GRAMD1A: variants seen among roughly 807,000 people sequenced by gnomAD.
GRAMD1A encodes the protein protein Aster-A.
Under a neutral mutation model 92.0 loss-of-function variants are expected in GRAMD1A, and 50 were observed. The ratio of observed to expected loss-of-function variants is 0.54; its 90% CI spans 0.43 to 0.69. GRAMD1A has a LOEUF of 0.69. Ranked by LOEUF, GRAMD1A falls within the 30% of genes least tolerant of loss-of-function variation. The pLI is 0.00. For missense variants in GRAMD1A, 819 were observed against 978.9 expected (o/e 0.84, Z 2.18); for synonymous variants, 405 against 403.6 (o/e 1.00, Z -0.04).
chr19:35,003,138 CTGTGCG>C (rs2014521475), intron 1 of GRAMD1A, among the ~76,000 whole-genome samples: 1 of 111,560 alleles, frequency 9.0e-6, no homozygotes, highest in Non-Finnish European at 1.9e-5. Context: ...TGCTGTTGCT[CTGTGCG>C]TGTGTGTGTG....
chr19:35,001,897 C>T (rs192796894), intron 1 of GRAMD1A, among the ~76,000 whole-genome samples: 1 of 152,234 alleles, frequency 6.6e-6, no homozygotes, highest in Admixed American at 6.5e-5. Context: ...CTTAAGCCAT[C>T]GCGCCTGGCT....
intron 1 of GRAMD1A, among the ~76,000 whole-genome samples, chr19:35,004,118 A>C (rs1169291254): frequency 6.6e-6 from 1 of 152,150 alleles, no homozygotes; most frequent in Non-Finnish European, 1.5e-5. Context: ...AGTCCCAGCT[A>C]TCAGGGAAGC....
intron 11 of GRAMD1A, among the ~76,000 whole-genome samples, chr19:35,016,461 G>T (rs1210299810): frequency 6.6e-6 from 1 of 150,498 alleles, no homozygotes; most frequent in Non-Finnish European, 1.5e-5. Context: ...GCTAGGTGTG[G>T]TGGCACACAC....
intron 7 of GRAMD1A, among the ~76,000 whole-genome samples, chr19:35,012,376 T>G (rs773888447): frequency 5.9e-5 from 9 of 152,266 alleles, no homozygotes; most frequent in Non-Finnish European, 1.3e-4. Context: ...AGTGAGTTAG[T>G]ACATCTGTAA....
intron 1 of GRAMD1A, among the ~76,000 whole-genome samples, chr19:35,001,615 T>C (rs1041160222): frequency 7.2e-5 from 11 of 152,100 alleles, no homozygotes; most frequent in African/African-American, 2.7e-4. Context: ...TTCTTTTTTT[T>C]TTTTTCTTTT....
rs1235147294 is a variant in GRAMD1A, at chr19:35,001,898, G to A, written c.8+1412G>A. On this transcript the variant is annotated intron_variant, in intron 1 of 19. Transcript: ENST00000317991. ...GCTGGGATTACAGGCTTAAGCCATC[G>A]CGCCTGGCTTGAAACTCTCATTTAG... Among the ~76,000 whole-genome samples the A allele has an allele frequency of 7.9e-5, 12 of 152,206 alleles. No homozygotes were observed. In the South Asian group the frequency reaches 1.9e-3, roughly 24 times the overall value.
chr19:35,018,515 G>A (rs953934057), intron 11 of GRAMD1A, among the ~76,000 whole-genome samples: 8 of 152,140 alleles, frequency 5.3e-5, no homozygotes, highest in African/African-American at 1.9e-4. Flanking sequence ...ATTTGGGTGG[G>A]GACAAATATC....
At chr19:35,010,707 G>A (rs1328183115) in intron 6 of GRAMD1A, 34 of 539,590 alleles carry the variant, frequency 6.3e-5, no homozygotes, top group Non-Finnish European at 9.8e-5. Context: ...CCTCATGTCC[G>A]TTGGTTGCAA....
chr19:35,001,474 A>G (rs1271297342), intron 1 of GRAMD1A, among the ~76,000 whole-genome samples: 1 of 152,098 alleles, frequency 6.6e-6, no homozygotes, highest in East Asian at 1.9e-4. Flanking sequence ...TGTAGCTCCA[A>G]GCGTTGCTGT....
intron 16 of GRAMD1A, 112 bp from the exon 17 acceptor site, chr19:35,022,788 G>C (rs1033892942): frequency 6.9e-5 from 74 of 1,074,744 alleles, no homozygotes; most frequent in Non-Finnish European, 1.3e-6. Context: ...CATCCAGTGA[G>C]GGGGCGTGGT....
At chr19:35,020,675 A>G (rs1361054427) in intron 13 of GRAMD1A, among the ~76,000 whole-genome samples, 3 of 151,218 alleles carry the variant, frequency 2.0e-5, no homozygotes, top group Admixed American at 2.0e-4. Context: ...AAAAAAAAAA[A>G]AAAAAAGGTG....
Position 35,000,476 on chromosome 19 carries a change from T to C in GRAMD1A, c.-3T>C. 1.6e-6 allele frequency: 2 copies of C among 1,268,986 alleles called. No homozygotes were observed. Among genetic ancestry groups the C allele is most frequent in the Non-Finnish European group, 2.0e-6 (2 of 1,000,394 alleles). 78.6% of individuals were successfully genotyped at this position (1,268,986 alleles called of 1,614,324 possible). ...CCCGGGGCGCGCCCACCGCGCCGCA[T>C]CCATGTTCGAGTAAGGACCGGGCGA... On this transcript the variant is annotated 5_prime_UTR_variant, in exon 1 of 20. Coordinates refer to ENST00000317991, the MANE Select transcript of GRAMD1A (RefSeq NM_020895.5). The surrounding 1 kb of genome is among the most constrained non-coding windows in gnomAD (Gnocchi z 4.9).
At position 35,011,516 on chromosome 19, in the gene GRAMD1A, C is replaced by T. The variant is rs551820623; in HGVS notation, c.568C>T (p.Leu190Phe). The change falls in exon 7 of 20, where the codon CTC becomes TTC. Residue 190 changes from leucine (L) to phenylalanine (F), a missense_variant. This residue lies in a region of GRAMD1A where 144 missense variants were observed against 220.3 expected (regional missense o/e 0.65). Transcript: ENST00000317991. ...TGGGGCCCGTGACCGCTGCTTCCTC[C>T]TCATCTTCCGCCTCTGGCAGAATGC... ...SFGARDRCFL[L>F]IFRLWQNALL... 1.6e-4 allele frequency: 250 copies of T among 1,611,880 alleles called. 5 individuals are homozygous for T. In the South Asian group the frequency reaches 2.7e-3, roughly 17 times the overall value.
intron 11 of GRAMD1A, among the ~76,000 whole-genome samples, chr19:35,018,210 ACT>A (rs1434248127): frequency 6.6e-6 from 1 of 151,826 alleles, no homozygotes; most frequent in East Asian, 1.9e-4. Context: ...CTGGTTTCAA[ACT>A]CTTGACCTCA....
rs750008634 is a variant in GRAMD1A at position 35,015,994 on chromosome 19, G to T, written c.1213+27G>T. 3.7e-6 allele frequency: 6 copies of T among 1,606,690 alleles called. No individual in the cohort carries two copies. In the East Asian group the frequency reaches 1.1e-4, roughly 30 times the overall value. On this transcript the variant is annotated intron_variant, in intron 11 of 19. Transcript: ENST00000317991. ...TCAGCGGGCGCATGAAGGAGAGGCT[G>T]AGGTTACCCAGGTGCAGGGGAGGGG...
chr19:35,009,747 G>A (rs1317341671), intron 3 of GRAMD1A, 141 bp from the exon 4 acceptor site: 2 of 687,410 alleles, frequency 2.9e-6, no homozygotes, highest in African/African-American at 1.8e-5. Flanking sequence ...GTAAATGGCA[G>A]CTGTCATTGT....
chr19:35,011,080 T>G lies in GRAMD1A; in HGVS notation c.526-394T>G, dbSNP rs1289661067. 2.5e-5 allele frequency among the ~76,000 whole-genome samples: 3 copies of G among 121,770 alleles called. No homozygotes were observed. The Admixed American group carries it at 3.5e-4, about 14-fold the overall frequency. 79.9% of individuals were successfully genotyped at this position (121,770 alleles called of 152,430 possible). ...TCATGCCACTGCACTCCAGCCTGGG[T>G]GACAAAGCCAGACCCTGTCTCAAAA... On this transcript the variant is annotated intron_variant, in intron 6 of 19. Transcript: ENST00000317991.
chr19:35,020,948 A>C (rs2016007205), intron 13 of GRAMD1A, among the ~76,000 whole-genome samples: 1 of 152,130 alleles, frequency 6.6e-6, no homozygotes, highest in African/African-American at 2.4e-5. Context: ...GATTCTGGAG[A>C]GATTTTGCAG....
rs201330906 is a variant in GRAMD1A, at chr19:35,014,230, C to A, written c.912C>A (p.Asp304Glu). 6.2e-7 allele frequency: 1 copy of A among 1,614,054 alleles called. No homozygotes were observed. The highest frequency in any genetic ancestry group is 1.3e-5 in the African/African-American group (1 of 75,050). The change falls in exon 10 of 20, where the codon GAC becomes GAA. Residue 304 changes from aspartate (D) to glutamate (E), a missense_variant. Coordinates refer to ENST00000317991, the MANE Select transcript of GRAMD1A (RefSeq NM_020895.5). Reference protein sequence around the residue: ...DKEEQVDSQPDASSSQTVTPV... With the variant: ...DKEEQVDSQPEASSSQTVTPV... ...AGGAGCAGGTAGACAGCCAGCCAGA[C>A]GCCTCCTCCAGCCAGACAGTGACCC... is the stretch of plus-strand genomic sequence containing the variant.
Sources: allele counts gnomAD v4.1 joint callset (sites outside exome capture counted in the v4.1 genomes callset), GRCh38; gene constraint gnomAD v4.1.1; regional missense constraint gnomAD v4.1.1; non-coding constraint Gnocchi (gnomAD v3.1); transcripts MANE v1.5; gene names NCBI Gene and HGNC (gene_info 2026-07-23, HGNC 2026-07-21).